ETNK2: variants seen among roughly 807,000 people sequenced by gnomAD.
ETNK2 encodes the protein ethanolamine kinase 2, also known as ethanolamine kinase-like protein.
Under a neutral mutation model 46.2 loss-of-function variants are expected in ETNK2, and 33 were observed. The observed-to-expected ratio is 0.71, with a 90% CI of 0.54 to 0.96. The LOEUF (loss-of-function observed/expected upper bound fraction) is 0.96. Ranked by LOEUF, ETNK2 falls within the 40% of genes least tolerant of loss-of-function variation. ETNK2 has a pLI of 0.00. For synonymous variants in ETNK2, 194 were observed against 209.0 expected (o/e 0.93, Z 0.62); for missense variants, 445 against 509.7 (o/e 0.87, Z 1.22).
At chr1:204,139,158 T>A (rs550610838) in intron 5 of ETNK2, among the ~76,000 whole-genome samples, 15 of 151,872 alleles carry the variant, frequency 9.9e-5, no homozygotes, top group Admixed American at 9.2e-4. Context: ...ACTTAGGGAG[T>A]CAAATTACAT....
Position 204,141,320 on chromosome 1 carries a change from A to C in ETNK2, c.779T>G (p.Ile260Ser). The C allele has an allele frequency of 6.2e-7, 1 of 1,614,046 alleles. No individual in the cohort carries two copies. ...CAGGGCCAGAGAAGCCATACCTTTG[A>C]TGCTGTCATAGATGATATTCTTGCA... ...LLCKNIIYDS[I>S]KGHVRFIDYE... The change falls in exon 4 of 8, where the codon ATC becomes AGC. Residue 260 changes from isoleucine to serine, a missense_variant. Physicochemically the swap from Ile to Ser is moderately radical, Grantham distance 142. Coordinates refer to ENST00000367202, the MANE Select transcript of ETNK2 (RefSeq NM_018208.4).
intron 2 of ETNK2, among the ~76,000 whole-genome samples, chr1:204,149,289 G>T (rs1657909446): frequency 6.6e-6 from 1 of 152,130 alleles, no homozygotes. Flanking sequence ...GCTTACCCTG[G>T]ATAGGGCCCA....
At chr1:204,133,534 A>ATTTTATTTAT (rs1558228545) in intron 7 of ETNK2, among the ~76,000 whole-genome samples, 2 of 131,078 alleles carry the variant, frequency 1.5e-5, no homozygotes, top group African/African-American at 5.8e-5. Flanking sequence ...ATTTTATTTT[A>ATTTTATTTAT]TTTTTTTTTT....
At chr1:204,139,535 C>A (rs536607155) in intron 5 of ETNK2, among the ~76,000 whole-genome samples, 7 of 152,204 alleles carry the variant, frequency 4.6e-5, no homozygotes, top group Admixed American at 2.0e-4. Flanking sequence ...ACCCCTTAAG[C>A]TGTGATATTT....
At chr1:204,139,921 T>C (rs1657434434) in intron 5 of ETNK2, 114 bp downstream of exon 5, 1 of 811,088 alleles carries the variant, frequency 1.2e-6, no homozygotes, top group African/African-American at 1.7e-5. Flanking sequence ...AGTAAAAATA[T>C]GGTACCTATT....
chr1:204,146,869 TGCCAGAGG>T, intron 2 of ETNK2, 105 bp from the exon 3 acceptor site: 1 of 1,442,858 alleles, frequency 6.9e-7, no homozygotes, highest in Non-Finnish European at 9.6e-7. Flanking sequence ...CCAGGGCACT[TGCCAGAGG>T]GCCAAGGATG....
rs1380316794 is a variant in ETNK2, at chr1:204,149,739, A to G, written c.482T>C (p.Leu161Pro). ...GGGCTCACGGATGTGCTCAGGCTCCAGGGCCACACCCTGCATGTACTCATA... is the reference window on the plus strand; with the variant it reads ...GGGCTCACGGATGTGCTCAGGCTCCGGGGCCACACCCTGCATGTACTCATA... The part of the protein sequence containing the change: ...LCYEYMQGVA[L>P]EPEHIREPRL... The change falls in exon 2 of 8, where the codon CTG becomes CCG. Residue 161 changes from leucine to proline, a missense_variant. By Grantham distance (98) the Leu-to-Pro change is moderately conservative. Coordinates refer to ENST00000367202, the MANE Select transcript of ETNK2 (RefSeq NM_018208.4). The G allele has an allele frequency of 1.2e-6, 2 of 1,600,096 alleles. No individual in the cohort carries two copies. Among genetic ancestry groups the G allele is most frequent in the Non-Finnish European group, 1.7e-6 (2 of 1,173,840 alleles).
intron 3 of ETNK2, 73 bp from the exon 4 acceptor site, chr1:204,141,530 A>G: frequency 6.7e-7 from 1 of 1,499,742 alleles, no homozygotes; most frequent in Non-Finnish European, 9.0e-7. Context: ...AGAGCCCTGA[A>G]TCTGAGCCTC....
intron 3 of ETNK2, 110 bp downstream of exon 3, chr1:204,146,532 C>T: frequency 7.6e-7 from 1 of 1,312,560 alleles, no homozygotes; most frequent in East Asian, 2.3e-5. Context: ...TCCCCAGCCT[C>T]CTCCCCGAGA....
intron 5 of ETNK2, 29 bp downstream of exon 5, chr1:204,140,006 G>C: frequency 1.0e-5 from 16 of 1,592,750 alleles, no homozygotes; most frequent in Non-Finnish European, 1.4e-5. Context: ...CCGCTACAAA[G>C]CACATGACTG....
intron 7 of ETNK2, among the ~76,000 whole-genome samples, chr1:204,133,293 T>C (rs1657142081): frequency 6.6e-6 from 1 of 152,160 alleles, no homozygotes; most frequent in Admixed American, 6.5e-5. Flanking sequence ...TGTTGGATCA[T>C]ACGGTAGTTA....
At chr1:204,139,988 C>A in intron 5 of ETNK2, 47 bp downstream of exon 5, 1 of 1,534,888 alleles carries the variant, frequency 6.5e-7, no homozygotes, top group Non-Finnish European at 9.0e-7. Flanking sequence ...CAGTCATTGA[C>A]TGAAACACCG....
In ETNK2 at chr1:204,137,728, T is replaced by C. The variant is rs115507660; in HGVS notation, c.869-479A>G. The stretch of plus-strand genomic sequence containing the variant: ...TCAAATGAGGGAGCTGGACTTCATG[T>C]AGGGATATCAAACATGGCTTCCTGG... On this transcript the variant is annotated intron_variant, in intron 5 of 7. Coordinates refer to ENST00000367202, the MANE Select transcript of ETNK2 (RefSeq NM_018208.4). Among the ~76,000 whole-genome samples the C allele has an allele frequency of 2.6e-3, 390 of 152,294 alleles. 4 individuals carry two copies. The highest frequency in any genetic ancestry group is 8.7e-3 in the African/African-American group (363 of 41,548).
Position 204,151,540 on chromosome 1 carries a change from T to A in ETNK2, c.258+55A>T. The stretch of plus-strand genomic sequence containing the variant: ...AGGATGCGAGGACTGGGTCCCCGCA[T>A]CCCCCTGGCAGCCCTGGCAGGACCC... On this transcript the variant is annotated intron_variant, in intron 1 of 7. Transcript: ENST00000367202. The surrounding 1 kb of genome is among the most constrained non-coding windows in gnomAD (Gnocchi z 8.0). 2.6e-6 allele frequency: 4 copies of A among 1,543,606 alleles called. No individual in the cohort carries two copies. Among genetic ancestry groups the A allele is most frequent in the Non-Finnish European group, 3.5e-6 (4 of 1,144,580 alleles).
At chr1:204,150,455 G>A (rs1027449973) in intron 1 of ETNK2, 7 of 165,184 alleles carry the variant, frequency 4.2e-5, no homozygotes, top group Non-Finnish European at 9.2e-5. Context: ...GGAGGGTACT[G>A]AGGTTGGCAC....
chr1:204,133,068 T>TTAC (rs1657134206), intron 7 of ETNK2, among the ~76,000 whole-genome samples: 1 of 152,182 alleles, frequency 6.6e-6, no homozygotes. Context: ...TTCATCCACG[T>TTAC]TGTAGCAAGT....
chr1:204,146,553 T>G, intron 3 of ETNK2, 89 bp downstream of exon 3: 1 of 1,528,620 alleles, frequency 6.5e-7, no homozygotes, highest in Non-Finnish European at 8.9e-7. Flanking sequence ...CCTAAGCCCT[T>G]AAACCTCCTA....
chr1:204,136,475 AGAG>A (rs1403973506), intron 6 of ETNK2, among the ~76,000 whole-genome samples: 1 of 150,820 alleles, frequency 6.6e-6, no homozygotes, highest in Non-Finnish European at 1.5e-5. Context: ...TTTGGGAGGC[AGAG>A]GCGGGCGAAT....
At position 204,150,350 on chromosome 1, in the gene ETNK2, G is replaced by C. The variant is rs545384355; in HGVS notation, c.259-388C>G. 6 of 288,786 alleles carry C rather than the reference G, an allele frequency of 2.1e-5. No individual in the cohort carries two copies. The East Asian group carries it at 4.1e-4, about 20-fold the overall frequency. The allele number at this position is 288,786 out of a possible 1,614,324, so 17.9% of individuals were successfully genotyped here. A position where few individuals can be genotyped will look rare whatever the true frequency, so the allele number is the denominator to read the frequency against. Reference sequence around the variant, plus strand: ...ATGTGGCAGGGGAGGGCTGGGAGTTGCCCAGAACACTATGTCCTGACCAGC... The same window carrying C: ...ATGTGGCAGGGGAGGGCTGGGAGTTCCCCAGAACACTATGTCCTGACCAGC... On this transcript the variant is annotated intron_variant, in intron 1 of 7. Coordinates refer to ENST00000367202, the MANE Select transcript of ETNK2 (RefSeq NM_018208.4).
Sources: gnomAD v4.1 joint callset for allele counts (sites outside exome capture counted in the v4.1 genomes callset) on GRCh38, gnomAD v4.1.1 for gene constraint, Gnocchi (gnomAD v3.1) non-coding constraint, MANE v1.5 for transcripts, NCBI Gene and HGNC (gene_info 2026-07-23, HGNC 2026-07-21) for gene names.